R3HDM2: variants seen among roughly 807,000 people sequenced by gnomAD.
The protein encoded by R3HDM2 is R3H domain containing 2.
Under a neutral mutation model 124.5 loss-of-function variants are expected in R3HDM2, and 38 were observed. That is an observed-to-expected ratio of 0.31 (90% CI 0.24 to 0.40). The LOEUF (loss-of-function observed/expected upper bound fraction) is 0.40. Ranked by LOEUF, R3HDM2 falls within the 10% of genes least tolerant of loss-of-function variation. The pLI is 1.00. For missense variants in R3HDM2, 869 were observed against 1,236.9 expected (o/e 0.70, Z 4.46); for synonymous variants, 391 against 448.0 (o/e 0.87, Z 1.61).
At chr12:57,288,769 T>C in intron 12 of R3HDM2, 1 of 1,154,026 alleles carries the variant, frequency 8.7e-7, no homozygotes, top group Non-Finnish European at 1.2e-6. Context: ...CAGCCATGCA[T>C]GGAGCAAACC....
At chr12:57,291,222 T>C (rs894089136) in intron 11 of R3HDM2, among the ~76,000 whole-genome samples, 2 of 149,982 alleles carry the variant, frequency 1.3e-5, no homozygotes, top group African/African-American at 4.8e-5. Flanking sequence ...GTTCAGTTTT[T>C]TAGTTGGAGA....
chr12:57,261,115 A>G (rs1022628533), intron 19 of R3HDM2, among the ~76,000 whole-genome samples: 2 of 152,080 alleles, frequency 1.3e-5, no homozygotes, highest in Non-Finnish European at 2.9e-5. Context: ...TGCATTTAAC[A>G]ACTCTCCCCT....
intron 2 of R3HDM2, among the ~76,000 whole-genome samples, chr12:57,395,160 G>A (rs1373528448): frequency 6.6e-6 from 1 of 151,364 alleles, no homozygotes; most frequent in African/African-American, 2.4e-5. Flanking sequence ...CTGAGATCAC[G>A]CCATTGCACT....
At chr12:57,332,153 T>TA (rs2058279839) in intron 2 of R3HDM2, among the ~76,000 whole-genome samples, 1 of 151,892 alleles carries the variant, frequency 6.6e-6, no homozygotes, top group African/African-American at 2.4e-5. Flanking sequence ...TCCATGCCTG[T>TA]AATCCCAGAA....
rs1470705661 is a variant in R3HDM2, at chr12:57,258,079, G to A, written c.2360C>T (p.Ser787Phe). The change falls in exon 21 of 24, where the codon TCT (serine) becomes TTT (phenylalanine). Residue 787 changes from serine to phenylalanine, a missense_variant. Around this residue, in one of 2 missense-constraint regions of R3HDM2, gnomAD observed 602 missense variants for 789.2 expected, o/e 0.76. Coordinates refer to ENST00000402412, the MANE Select transcript of R3HDM2 (RefSeq NM_001394031.1). ...VTSPTQSPAP[S>F]PVTSLSSVCT... is the part of the protein sequence containing the mutation. The stretch of plus-strand genomic sequence containing the variant: ...GACACTGCTGAGGCTGGTGACAGGA[G>A]AGGGTGCTGGAGACTGGGTAGGAGA... 6.3e-7 allele frequency: 1 copy of A among 1,598,796 alleles called. No homozygotes were observed. The highest frequency in any genetic ancestry group is 8.5e-7 in the Non-Finnish European group (1 of 1,170,958).
At chr12:57,270,793 T>G (rs956455493) in intron 14 of R3HDM2, among the ~76,000 whole-genome samples, 3 of 151,882 alleles carry the variant, frequency 2.0e-5, no homozygotes, top group African/African-American at 7.3e-5. Flanking sequence ...GGTCTTGAAC[T>G]CCTGAACTCA....
chr12:57,386,794 A>G (rs971609062), intron 2 of R3HDM2, among the ~76,000 whole-genome samples: 12 of 152,190 alleles, frequency 7.9e-5, no homozygotes, highest in African/African-American at 2.2e-4. Flanking sequence ...TACACCAATC[A>G]GCACTCTGTA....
At chr12:57,285,446 A>AGAGT (rs1555225800) in intron 12 of R3HDM2, among the ~76,000 whole-genome samples, 62 of 147,672 alleles carry the variant, frequency 4.2e-4, no homozygotes, top group African/African-American at 1.3e-3. Flanking sequence ...AGAGAGAGAG[A>AGAGT]GTGTGTGTGT....
At chr12:57,413,419 C>G (rs1415502870) in intron 1 of R3HDM2, among the ~76,000 whole-genome samples, 3 of 145,200 alleles carry the variant, frequency 2.1e-5, no homozygotes, top group African/African-American at 7.7e-5. Context: ...TATAGTGCAA[C>G]CTTCTATTTA....
intron 2 of R3HDM2, among the ~76,000 whole-genome samples, chr12:57,367,171 A>G (rs1331003118): frequency 6.6e-6 from 1 of 152,176 alleles, no homozygotes; most frequent in African/African-American, 2.4e-5. Flanking sequence ...TACTCTGGTT[A>G]GTAGAAACAA....
At position 57,254,741 on chromosome 12, in the gene R3HDM2, C is replaced by T; in HGVS notation, c.*32G>A. On this transcript the variant is annotated 3_prime_UTR_variant, in exon 24 of 24. Coordinates refer to ENST00000402412, the MANE Select transcript of R3HDM2 (RefSeq NM_001394031.1). ...CAACCCCCTCCACCCTGCCCTTGCT[C>T]CTTCTGTGACAGTCCCTTTCCCCTC... 2 of 1,468,662 alleles carry T rather than the reference C, an allele frequency of 1.4e-6. No individual in the cohort carries two copies. The highest frequency in any genetic ancestry group is 1.9e-6 in the Non-Finnish European group (2 of 1,077,258). 91.0% of individuals were successfully genotyped at this position (1,468,662 alleles called of 1,614,324 possible). A position where few individuals can be genotyped will look rare whatever the true frequency, so the allele number is the denominator to read the frequency against.
At chr12:57,347,538 T>C (rs563288360) in intron 2 of R3HDM2, among the ~76,000 whole-genome samples, 1 of 152,152 alleles carries the variant, frequency 6.6e-6, no homozygotes, top group Non-Finnish European at 1.5e-5. Flanking sequence ...AATAAGATGG[T>C]AGACAAAATC....
rs1594523641 is a variant in R3HDM2, at chr12:57,404,339, C to A, written c.-105-8521G>T. ...TCAGCCTCCCAAAGTGCTAGGATTACAGGCGTGAGCCACCGCGCCTGGCCA... is the reference window on the plus strand; with the variant it reads ...TCAGCCTCCCAAAGTGCTAGGATTAAAGGCGTGAGCCACCGCGCCTGGCCA... On this transcript the variant is annotated intron_variant, in intron 1 of 23. Transcript: ENST00000402412. 2.0e-5 allele frequency among the ~76,000 whole-genome samples: 3 copies of A among 150,106 alleles called. No individual in the cohort carries two copies. In the South Asian group the frequency reaches 6.6e-4, roughly 33 times the overall value.
At chr12:57,321,770 AT>A (rs2056493174) in intron 2 of R3HDM2, among the ~76,000 whole-genome samples, 1 of 152,178 alleles carries the variant, frequency 6.6e-6, no homozygotes, top group African/African-American at 2.4e-5. Flanking sequence ...ATAATAGTCT[AT>A]TTATGTGAAG....
intron 2 of R3HDM2, among the ~76,000 whole-genome samples, chr12:57,345,943 T>G (rs1195726646): frequency 1.3e-5 from 2 of 152,166 alleles, no homozygotes; most frequent in Non-Finnish European, 2.9e-5. Flanking sequence ...GCAGATCACC[T>G]GAGATCAGGA....
chr12:57,390,412 C>T (rs2066488503), intron 2 of R3HDM2, among the ~76,000 whole-genome samples: 1 of 152,068 alleles, frequency 6.6e-6, no homozygotes, highest in African/African-American at 2.4e-5. Flanking sequence ...GAAAATAGGA[C>T]TGAGGCCAAA....
chr12:57,320,261 C>CAAAAAAAAAAAAAAAAAAAAAAAAAAAAA (rs56207989), intron 2 of R3HDM2, among the ~76,000 whole-genome samples: 2 of 14,286 alleles, frequency 1.4e-4, no homozygotes, highest in African/African-American at 2.3e-4. Flanking sequence ...AACTCTATCT[C>CAAAAAAAAAAAAAAAAAAAAAAAAAAAAA]AAAAAAAAAA....
chr12:57,430,592 C>A, intron 1 of R3HDM2, 128 bp downstream of exon 1: 2 of 984,958 alleles, frequency 2.0e-6, no homozygotes, highest in Non-Finnish European at 2.4e-6. Context: ...CCATCGTCCC[C>A]GGGACCGGCT....
intron 1 of R3HDM2, among the ~76,000 whole-genome samples, chr12:57,403,812 C>CT (rs2068268513): frequency 8.3e-6 from 1 of 120,940 alleles, no homozygotes; most frequent in Non-Finnish European, 1.8e-5. Flanking sequence ...GAGTGAGACT[C>CT]TGTCTCAAAA....
Sources: allele counts gnomAD v4.1 joint callset (sites outside exome capture counted in the v4.1 genomes callset), GRCh38; gene constraint gnomAD v4.1.1; regional missense constraint gnomAD v4.1.1; transcripts MANE v1.5; gene names NCBI Gene and HGNC (gene_info 2026-07-23, HGNC 2026-07-21).